The following ASAP1 variants were observed in gnomAD, a reference collection of about 807,000 sequenced individuals.
ASAP1 encodes the protein arf-GAP with SH3 domain, ANK repeat and PH domain-containing protein 1.
A neutral mutation model predicts 145.2 loss-of-function variants in ASAP1; 43 were observed. The ratio of observed to expected loss-of-function variants is 0.30; its 90% confidence interval spans 0.23 to 0.38. ASAP1 has a LOEUF of 0.38. Ranked by LOEUF, ASAP1 falls within the 10% of genes least tolerant of loss-of-function variation. The pLI is 1.00. For synonymous variants in ASAP1, 546 were observed against 515.5 expected (o/e 1.06, Z -0.80); for missense variants, 1,018 against 1,355.3 (o/e 0.75, Z 3.91).
At chr8:130,344,746 C>T (rs974273069) in intron 3 of ASAP1, among the ~76,000 whole-genome samples, 2 of 151,052 alleles carry the variant, frequency 1.3e-5, no homozygotes, top group Admixed American at 1.3e-4. Flanking sequence ...CTTAAAAAAA[C>T]AAACAAACAA....
At chr8:130,367,335 T>G (rs1056974677) in intron 2 of ASAP1, among the ~76,000 whole-genome samples, 1 of 152,206 alleles carries the variant, frequency 6.6e-6, no homozygotes, top group African/African-American at 2.4e-5. Context: ...AAAGGTGTAT[T>G]TTAAAAGTGA....
At chr8:130,424,462 C>T (rs1829837632) in intron 1 of ASAP1, among the ~76,000 whole-genome samples, 1 of 152,242 alleles carries the variant, frequency 6.6e-6, no homozygotes, top group South Asian at 2.1e-4. Flanking sequence ...AGCTCTCTGA[C>T]TTTGCTCTTC....
At chr8:130,188,293 G>A (rs1427410846) in intron 5 of ASAP1, 110 bp from the exon 6 acceptor site, 47 of 796,040 alleles carry the variant, frequency 5.9e-5, no homozygotes, top group Non-Finnish European at 8.6e-6. Flanking sequence ...TCTGTTGAAG[G>A]GCTTTCCATG....
chr8:130,270,875 C>CT (rs1449089359), intron 3 of ASAP1, among the ~76,000 whole-genome samples: 1 of 150,914 alleles, frequency 6.6e-6, no homozygotes, highest in Non-Finnish European at 1.5e-5. Flanking sequence ...GTTAATCCTC[C>CT]TTTTTTGAAA....
chr8:130,095,607 C>T (rs961464167), intron 24 of ASAP1, among the ~76,000 whole-genome samples: 1 of 148,276 alleles, frequency 6.7e-6, no homozygotes, highest in Non-Finnish European at 1.5e-5. Flanking sequence ...GGCCTAAGGC[C>T]AGTGATTCTT....
At chr8:130,065,199 A>G (rs1387397775) in intron 27 of ASAP1, among the ~76,000 whole-genome samples, 1 of 152,140 alleles carries the variant, frequency 6.6e-6, no homozygotes. Flanking sequence ...TCTAAGAAGG[A>G]TATTTTAAAG....
intron 1 of ASAP1, among the ~76,000 whole-genome samples, chr8:130,427,007 T>C (rs1353759157): frequency 4.6e-5 from 7 of 152,154 alleles, no homozygotes; most frequent in Admixed American, 3.3e-4. Flanking sequence ...CAAATATGCA[T>C]GGAATAAATA....
intron 24 of ASAP1, among the ~76,000 whole-genome samples, chr8:130,097,986 C>T (rs2097522118): frequency 6.6e-6 from 1 of 152,176 alleles, no homozygotes; most frequent in African/African-American, 2.4e-5. Flanking sequence ...AAATCATAAT[C>T]AGCATGCTTT....
At chr8:130,213,836 T>C (rs1586606687) in intron 5 of ASAP1, among the ~76,000 whole-genome samples, 1 of 152,156 alleles carries the variant, frequency 6.6e-6, no homozygotes, top group Admixed American at 6.5e-5. Context: ...TTTCTAAGTG[T>C]GCACATGGTA....
chr8:130,380,976 C>T (rs1425337118), intron 2 of ASAP1, among the ~76,000 whole-genome samples: 1 of 152,116 alleles, frequency 6.6e-6, no homozygotes, highest in Non-Finnish European at 1.5e-5. Context: ...CCTCGCCTCC[C>T]GGGTTCAAGT....
At chr8:130,318,869 G>C (rs890039409) in intron 3 of ASAP1, among the ~76,000 whole-genome samples, 1 of 152,172 alleles carries the variant, frequency 6.6e-6, no homozygotes, top group Non-Finnish European at 1.5e-5. Flanking sequence ...GCAGGACAAA[G>C]CAATGGGGCC....
chr8:130,052,985 G>A lies in ASAP1; in HGVS notation c.*1746C>T, dbSNP rs1348021441. On this transcript the variant is annotated 3_prime_UTR_variant, in exon 30 of 30. Transcript: ENST00000518721. ...CTCTGTTTGGTGTGGAAATTCACAT[G>A]TGCCCTGACACTGAGGAAGCAATTG... 6.6e-6 allele frequency: 1 copy of A among 152,174 alleles called. No individual in the cohort carries two copies. Among genetic ancestry groups the A allele is most frequent in the African/African-American group, 2.4e-5 (1 of 41,434 alleles). 9.4% of individuals were successfully genotyped at this position (152,174 alleles called of 1,614,324 possible). A position where few individuals can be genotyped will look rare whatever the true frequency, so the allele number is the denominator to read the frequency against.
intron 2 of ASAP1, among the ~76,000 whole-genome samples, chr8:130,381,710 T>G (rs1827777719): frequency 6.6e-6 from 1 of 152,220 alleles, no homozygotes. Flanking sequence ...ACCAGGCCAC[T>G]GTCCATCTCC....
chr8:130,058,919 C>T (rs1026198521), intron 28 of ASAP1, among the ~76,000 whole-genome samples: 2 of 152,092 alleles, frequency 1.3e-5, no homozygotes, highest in South Asian at 2.1e-4. Context: ...GCAGTGACTG[C>T]GTGAGCAACT....
chr8:130,399,274 C>T (rs906562461), intron 2 of ASAP1, among the ~76,000 whole-genome samples: 1 of 152,112 alleles, frequency 6.6e-6, no homozygotes, highest in African/African-American at 2.4e-5. Context: ...GTTACTTGTA[C>T]CTGAACTTTT....
intron 3 of ASAP1, among the ~76,000 whole-genome samples, chr8:130,311,071 A>T (rs1048563152): frequency 1.1e-4 from 16 of 152,220 alleles, no homozygotes; most frequent in African/African-American, 3.1e-4. Flanking sequence ...TTCTATGAGA[A>T]CGCAGTCCAG....
intron 4 of ASAP1, 35 bp from the exon 5 acceptor site, chr8:130,214,736 C>G: frequency 6.6e-7 from 1 of 1,521,228 alleles, no homozygotes. Flanking sequence ...GGAGTCTGAA[C>G]TATTATTTGC....
intron 2 of ASAP1, among the ~76,000 whole-genome samples, chr8:130,385,687 TC>T (rs932401208): frequency 3.4e-4 from 52 of 152,278 alleles, no homozygotes; most frequent in African/African-American, 1.2e-3. Context: ...GAGCTTCTCT[TC>T]TGCCATGTTG....
At chr8:130,408,954 T>C (rs2138626461) in intron 1 of ASAP1, among the ~76,000 whole-genome samples, 1 of 152,294 alleles carries the variant, frequency 6.6e-6, no homozygotes, top group Non-Finnish European at 1.5e-5. Context: ...TGATTGTTCA[T>C]AGAGGTAAGT....
Sources: gnomAD v4.1 joint callset for allele counts (sites outside exome capture counted in the v4.1 genomes callset) on GRCh38, gnomAD v4.1.1 for gene constraint, MANE v1.5 for transcripts, NCBI Gene and HGNC (gene_info 2026-07-23, HGNC 2026-07-21) for gene names.